The following CSGALNACT1 variants were observed in gnomAD, a reference collection of about 807,000 sequenced individuals.
CSGALNACT1 encodes the protein beta4GalNAcT-1.
CSGALNACT1 carries 52 observed loss-of-function variants against 51.0 expected under a neutral mutation model. The ratio of observed to expected loss-of-function variants is 1.02; its 90% CI spans 0.82 to 1.29. The LOEUF (loss-of-function observed/expected upper bound fraction) is 1.29. Among genes scored for constraint, CSGALNACT1 ranks in the 50% most tolerant of loss-of-function variants. CSGALNACT1 has a pLI of 0.00. For synonymous variants in CSGALNACT1, 341 were observed against 254.4 expected, an observed-to-expected ratio of 1.34 and a Z score of -3.24; for missense variants, 935 against 679.2, an observed-to-expected ratio of 1.38 and a Z score of -4.19.
intron 6 of CSGALNACT1, among the ~76,000 whole-genome samples, chr8:19,426,274 C>A (rs2153710894): frequency 6.6e-6 from 1 of 152,278 alleles, no homozygotes; most frequent in East Asian, 1.9e-4. Context: ...CAGAGAAACC[C>A]CTCCCTTGTG....
intron 1 of CSGALNACT1, among the ~76,000 whole-genome samples, chr8:19,735,969 C>T (rs1035820643): frequency 6.6e-6 from 1 of 152,086 alleles, no homozygotes; most frequent in Non-Finnish European, 1.5e-5. Flanking sequence ...TATCAATTTT[C>T]AACATTTGGT....
At chr8:19,474,362 T>C (rs937996647) in intron 4 of CSGALNACT1, among the ~76,000 whole-genome samples, 6 of 152,158 alleles carry the variant, frequency 3.9e-5, no homozygotes, top group African/African-American at 2.4e-5. Context: ...TTTGGCAGTA[T>C]TTTTAAAATT....
At chr8:19,707,697 C>T (rs2062252457) in intron 1 of CSGALNACT1, among the ~76,000 whole-genome samples, 2 of 124,186 alleles carry the variant, frequency 1.6e-5, no homozygotes, top group South Asian at 5.5e-4. Context: ...ACAAAAAAAC[C>T]CCTAAACTAT....
At chr8:19,594,710 A>AT (rs775097029) in intron 2 of CSGALNACT1, among the ~76,000 whole-genome samples, 7,543 of 144,704 alleles carry the variant, frequency 0.052, 188 homozygotes, top group Non-Finnish European at 0.065. Flanking sequence ...GGCCTGGCTA[A>AT]TTTTTTTTTT....
chr8:19,730,221 A>G (rs746144314), intron 1 of CSGALNACT1, among the ~76,000 whole-genome samples: 20 of 148,688 alleles, frequency 1.3e-4, no homozygotes, highest in African/African-American at 3.6e-4. Context: ...TTTACACTCA[A>G]TGTCCCCGTT....
At chr8:19,623,322 A>G (rs922528955) in intron 1 of CSGALNACT1, among the ~76,000 whole-genome samples, 2 of 152,232 alleles carry the variant, frequency 1.3e-5, no homozygotes, top group African/African-American at 4.8e-5. Context: ...ATATTTTAAT[A>G]TACCTTTCTC....
chr8:19,440,301 T>C (rs1265891088), intron 5 of CSGALNACT1, among the ~76,000 whole-genome samples: 1 of 152,114 alleles, frequency 6.6e-6, no homozygotes, highest in African/African-American at 2.4e-5. Flanking sequence ...TGATGAACAT[T>C]GATGCAAAAA....
At chr8:19,467,213 G>A (rs765140930) in intron 4 of CSGALNACT1, among the ~76,000 whole-genome samples, 4 of 145,632 alleles carry the variant, frequency 2.7e-5, no homozygotes, top group Non-Finnish European at 4.5e-5. Context: ...TCTGACTCTC[G>A]GTTTCACAGT....
At chr8:19,697,548 C>A (rs2061645822) in intron 1 of CSGALNACT1, among the ~76,000 whole-genome samples, 1 of 152,140 alleles carries the variant, frequency 6.6e-6, no homozygotes. Context: ...AGAAGAAAAG[C>A]AAGATAAATG....
intron 3 of CSGALNACT1, among the ~76,000 whole-genome samples, chr8:19,518,269 G>A (rs2079947068): frequency 6.6e-6 from 1 of 152,128 alleles, no homozygotes; most frequent in Non-Finnish European, 1.5e-5. Flanking sequence ...GAAAAGTGGA[G>A]CCCCAGACAT....
intron 1 of CSGALNACT1, among the ~76,000 whole-genome samples, chr8:19,689,624 C>T (rs896889968): frequency 6.6e-5 from 10 of 152,164 alleles, no homozygotes; most frequent in African/African-American, 1.9e-4. Flanking sequence ...ATGTATTAAA[C>T]TATTAAGATT....
chr8:19,447,803 C>G (rs573809086), intron 5 of CSGALNACT1, among the ~76,000 whole-genome samples: 2 of 152,194 alleles, frequency 1.3e-5, no homozygotes, highest in African/African-American at 4.8e-5. Context: ...GGGTCCTGTT[C>G]TCCAACCAGC....
intron 6 of CSGALNACT1, among the ~76,000 whole-genome samples, chr8:19,421,825 G>T (rs560272480): frequency 4.6e-5 from 7 of 152,274 alleles, no homozygotes; most frequent in Admixed American, 4.6e-4. Context: ...TTAGGGATCA[G>T]TGAGCCCATG....
intron 3 of CSGALNACT1, among the ~76,000 whole-genome samples, chr8:19,578,136 A>G (rs932778366): frequency 6.6e-6 from 1 of 152,220 alleles, no homozygotes; most frequent in East Asian, 1.9e-4. Context: ...TCCCTGAGGC[A>G]TAAGGTAACA....
chr8:19,745,088 C>G (rs1293181346), intron 1 of CSGALNACT1, among the ~76,000 whole-genome samples: 1 of 152,200 alleles, frequency 6.6e-6, no homozygotes, highest in Non-Finnish European at 1.5e-5. Context: ...TCATAGTCGT[C>G]TGACCCGAAG....
intron 1 of CSGALNACT1, among the ~76,000 whole-genome samples, chr8:19,690,078 T>C (rs183735702): frequency 6.6e-6 from 1 of 152,338 alleles, no homozygotes; most frequent in East Asian, 1.9e-4. Context: ...TAAAACACTA[T>C]ATTGTAGAGA....
chr8:19,548,878 G>A (rs1045913996), intron 3 of CSGALNACT1, among the ~76,000 whole-genome samples: 2 of 152,050 alleles, frequency 1.3e-5, no homozygotes. Context: ...CAGTAGAGTG[G>A]TGCAGTCACA....
In CSGALNACT1 at chr8:19,420,559, T is replaced by C. The variant is rs371021844; in HGVS notation, c.954-41A>G. ...AGGTACTGTCACTCACATTCCCACA[T>C]GTTGGCAGCATCCCCTGAGAAAATA... On this transcript the variant is annotated intron_variant, in intron 6 of 9. Transcript: ENST00000454498. 1.9e-5 allele frequency: 30 copies of C among 1,597,970 alleles called. No individual in the cohort carries two copies. In the African/African-American group the frequency reaches 3.6e-4, roughly 19 times the overall value.
intron 5 of CSGALNACT1, among the ~76,000 whole-genome samples, chr8:19,445,918 T>A (rs1323488841): frequency 6.6e-6 from 1 of 152,228 alleles, no homozygotes; most frequent in Non-Finnish European, 1.5e-5. Context: ...CTCATGCCTA[T>A]AATCTCAGCA....
Sources: gnomAD v4.1 joint callset for allele counts (sites outside exome capture counted in the v4.1 genomes callset) on GRCh38, gnomAD v4.1.1 for gene constraint, MANE v1.5 for transcripts, NCBI Gene and HGNC (gene_info 2026-07-23, HGNC 2026-07-21) for gene names.